Variants in CLIC5 observed in about 807,000 individuals in gnomAD.
CLIC5 encodes the protein chloride intracellular channel protein 5.
CLIC5 carries 20 observed loss-of-function variants against 24.7 expected under a neutral mutation model. That is an observed-to-expected ratio of 0.81 (90% confidence interval 0.57 to 1.18). The LOEUF is 1.18. Among genes scored for constraint, CLIC5 ranks in the 50% most tolerant of loss-of-function variants. The probability of loss-of-function intolerance (pLI) is 0.00; values close to 1 mark genes in which losing one functional copy is unlikely to be tolerated. For missense variants in CLIC5, 341 were observed against 326.1 expected (o/e 1.05, Z -0.35); for synonymous variants, 159 against 135.6 (o/e 1.17, Z -1.20).
At chr6:45,940,061 C>A (rs1169309616) in intron 4 of CLIC5, among the ~76,000 whole-genome samples, 1 of 152,176 alleles carries the variant, frequency 6.6e-6, no homozygotes, top group East Asian at 1.9e-4. Context: ...GCCCTCCAAG[C>A]TGGCACTGTG....
In CLIC5 at chr6:46,080,127, T is replaced by C. The variant is rs773286140; in HGVS notation, c.116A>G (p.Tyr39Cys). The C allele has an allele frequency of 1.4e-5, 21 of 1,551,584 alleles. No homozygotes were observed. The South Asian group carries it at 2.4e-4, about 18-fold the overall frequency. ...ATATAAATCATTTTCTGGCCTTAAG[T>C]ACTCATGGACATCATCATAATGGGG... The change falls in exon 1 of 6, where the codon TAC becomes TGC. Residue 39 changes from tyrosine (Y) to cysteine (C), a missense_variant. Physicochemically the swap from Tyr to Cys is radical, Grantham distance 194. Coordinates refer to the CLIC5 transcript ENST00000185206.
At chr6:45,959,057 A>G (rs1020169085) in intron 1 of CLIC5, among the ~76,000 whole-genome samples, 1 of 152,222 alleles carries the variant, frequency 6.6e-6, no homozygotes, top group Non-Finnish European at 1.5e-5. Context: ...TTCTAGATCC[A>G]TCTCTGCCTC....
At chr6:45,894,524 T>C (rs1218410297), downstream of CLIC5, among the ~76,000 whole-genome samples, 3 of 152,188 alleles carry the variant, frequency 2.0e-5, no homozygotes, top group Non-Finnish European at 2.9e-5. Context: ...ATATTCATGA[T>C]GTATGCATGA....
rs1310742140 is a variant in CLIC5 at position 45,903,021 on chromosome 6, A to T, written c.*67T>A. 3 of 1,561,542 alleles carry T rather than the reference A, an allele frequency of 1.9e-6. No homozygotes were observed. Among genetic ancestry groups the T allele is most frequent in the Non-Finnish European group, 2.6e-6 (3 of 1,136,458 alleles). On this transcript the variant is annotated 3_prime_UTR_variant, in exon 6 of 6. Coordinates refer to ENST00000339561, the MANE Select transcript of CLIC5 (RefSeq NM_016929.5). The stretch of plus-strand genomic sequence containing the variant: ...TCAAGGCAGTGATACAGAGGAGTCT[A>T]TGAAGCTGGAGTCTTAGGGGAGTGG...
At chr6:46,108,680 G>C in the CLIC5 span, among the ~76,000 whole-genome samples, 2 of 152,144 alleles carry the variant, frequency 1.3e-5, no homozygotes, top group Admixed American at 1.3e-4. Flanking sequence ...TTACAGGTGT[G>C]AGCCACCACA....
intron 1 of CLIC5, among the ~76,000 whole-genome samples, chr6:45,987,729 G>A (rs1333938901): frequency 6.6e-6 from 1 of 152,210 alleles, no homozygotes; most frequent in African/African-American, 2.4e-5. Flanking sequence ...GACAGAGGGA[G>A]AAGGAGAGGG....
intron 1 of CLIC5, among the ~76,000 whole-genome samples, chr6:46,026,147 T>C (rs1280546174): frequency 6.6e-6 from 1 of 152,194 alleles, no homozygotes; most frequent in Non-Finnish European, 1.5e-5. Context: ...CATAAAATAC[T>C]ATTGAGAAAA....
In CLIC5 at chr6:45,912,603, T is replaced by G. The variant is rs1387357069; in HGVS notation, c.588+1625A>C. On this transcript the variant is annotated intron_variant, in intron 5 of 5. Coordinates refer to ENST00000339561, the MANE Select transcript of CLIC5 (RefSeq NM_016929.5). ...AAAAATGAATTCCAAAAAGATTAAA[T>G]GATGTGCCTCAGCTCATGCTGCTAG... The G allele has an allele frequency of 3.4e-6, 5 of 1,460,152 alleles. No individual in the cohort carries two copies. In the African/African-American group the frequency reaches 5.6e-5, roughly 16 times the overall value. 90.4% of individuals were successfully genotyped at this position (1,460,152 alleles called of 1,614,324 possible).
intron 1 of CLIC5, among the ~76,000 whole-genome samples, chr6:45,997,056 T>A (rs1321624034): frequency 3.3e-5 from 5 of 152,032 alleles, no homozygotes; most frequent in Non-Finnish European, 7.4e-5. Context: ...CATGCACACA[T>A]ATGTTTATTG....
intron 1 of CLIC5, among the ~76,000 whole-genome samples, chr6:45,981,379 T>G (rs1220157450): frequency 6.6e-6 from 1 of 152,002 alleles, no homozygotes; most frequent in Non-Finnish European, 1.5e-5. Flanking sequence ...ACAAACTAAA[T>G]AAGGAGCCAG....
At chr6:46,066,813 T>C (rs756780209) in intron 1 of CLIC5, among the ~76,000 whole-genome samples, 13 of 151,824 alleles carry the variant, frequency 8.6e-5, no homozygotes, top group Admixed American at 1.3e-4. Context: ...CCAGGGAAAA[T>C]GAGTTCAGAA....
chr6:45,905,270 A>T (rs1762626062), intron 5 of CLIC5, among the ~76,000 whole-genome samples: 1 of 152,308 alleles, frequency 6.6e-6, no homozygotes, highest in South Asian at 2.1e-4. Flanking sequence ...TGGTCAAATG[A>T]TAGTTCTGCT....
chr6:46,026,022 T>C (rs1377021372), intron 1 of CLIC5, among the ~76,000 whole-genome samples: 1 of 152,186 alleles, frequency 6.6e-6, no homozygotes, highest in African/African-American at 2.4e-5. Context: ...CAGTCTCAGG[T>C]ATCTCTTTAT....
At chr6:45,967,713 T>A (rs2127400343) in intron 1 of CLIC5, among the ~76,000 whole-genome samples, 1 of 152,240 alleles carries the variant, frequency 6.6e-6, no homozygotes, top group Non-Finnish European at 1.5e-5. Context: ...TAGCTTCTGG[T>A]TAGGGCCTCA....
At chr6:46,054,767 C>T (rs771584598) in intron 1 of CLIC5, among the ~76,000 whole-genome samples, 12 of 152,192 alleles carry the variant, frequency 7.9e-5, no homozygotes, top group Non-Finnish European at 5.9e-5. Context: ...TACAGCAAGA[C>T]GGTGGCTGTC....
chr6:45,914,744 A>C (rs1426310672), intron 4 of CLIC5, among the ~76,000 whole-genome samples: 2 of 151,740 alleles, frequency 1.3e-5, no homozygotes, highest in African/African-American at 4.8e-5. Flanking sequence ...TGACGTTAAG[A>C]GATCGAAACC....
At chr6:46,086,338 A>C in the CLIC5 span, among the ~76,000 whole-genome samples, 79 of 152,082 alleles carry the variant, frequency 5.2e-4, no homozygotes, top group African/African-American at 1.7e-3. Flanking sequence ...CTTCTGCGTC[A>C]CTCACGCTGG....
chr6:45,924,716 T>C (rs977123839), intron 4 of CLIC5, among the ~76,000 whole-genome samples: 1 of 152,012 alleles, frequency 6.6e-6, no homozygotes, highest in Non-Finnish European at 1.5e-5. Context: ...GAATTGAATA[T>C]ACAAGAATTC....
intron 4 of CLIC5, among the ~76,000 whole-genome samples, chr6:45,929,121 A>C: frequency 4.1e-5 from 6 of 146,334 alleles, no homozygotes; most frequent in East Asian, 2.0e-4. Flanking sequence ...AGCTCTCCCC[A>C]CCCCCTTCTC....
Sources: gnomAD v4.1 joint callset for allele counts (sites outside exome capture counted in the v4.1 genomes callset) on GRCh38, gnomAD v4.1.1 for gene constraint, MANE v1.5 for transcripts, NCBI Gene and HGNC (gene_info 2026-07-23, HGNC 2026-07-21) for gene names.